The following NUP62CL variants were observed in gnomAD, a reference collection of about 807,000 sequenced individuals.
The protein encoded by NUP62CL is nucleoporin-62 C-terminal-like protein.
In NUP62CL, 13 loss-of-function variants were observed where a neutral mutation model predicts 15.3. The observed-to-expected ratio is 0.85, with a 90% confidence interval of 0.55 to 1.35. The LOEUF (loss-of-function observed/expected upper bound fraction) is 1.35. NUP62CL is among the 40% of genes most tolerant of loss of function. NUP62CL has a pLI of 0.00. For synonymous variants in NUP62CL, 54 were observed against 49.2 expected, an observed-to-expected ratio of 1.10 and a Z score of -0.41; for missense variants, 123 against 130.6, an observed-to-expected ratio of 0.94 and a Z score of 0.28.
intron 7 of NUP62CL, among the ~76,000 whole-genome samples, chrX:107,151,515 C>CCA (rs59950269): frequency 0.3 from 29,704 of 98,457 alleles, 3,951 homozygotes; most frequent in East Asian, 0.49. Context: ...TCCACCCAAA[C>CCA]CACACACACA....
chrX:107,195,775 G>A (rs1927348252), intron 1 of NUP62CL, among the ~76,000 whole-genome samples: 1 of 107,625 alleles, frequency 9.3e-6, no homozygotes, highest in Non-Finnish European at 1.9e-5. Context: ...AGCAATAAGA[G>A]CATTTGCTGT....
At chrX:107,203,447 T>A (rs1602671147) in intron 1 of NUP62CL, among the ~76,000 whole-genome samples, 1 of 109,562 alleles carries the variant, frequency 9.1e-6, no homozygotes, top group African/African-American at 3.4e-5. Flanking sequence ...GGGTTCACTG[T>A]GTTACCCAGG....
chrX:107,197,065 T>C (rs1326002174), intron 1 of NUP62CL, among the ~76,000 whole-genome samples: 2 of 112,079 alleles, frequency 1.8e-5, no homozygotes, highest in East Asian at 5.6e-4. Flanking sequence ...CTTACTTACA[T>C]TTATTGTGAC....
At chrX:107,203,355 C>T (rs753941309) in intron 1 of NUP62CL, among the ~76,000 whole-genome samples, 2 of 108,345 alleles carry the variant, frequency 1.8e-5, no homozygotes, top group East Asian at 5.9e-4. Context: ...GCGATCCTCT[C>T]ACCTCAGCCT....
At chrX:107,138,869 A>G (rs770427627) in intron 8 of NUP62CL, among the ~76,000 whole-genome samples, 3 of 112,326 alleles carry the variant, frequency 2.7e-5, no homozygotes, top group Non-Finnish European at 5.6e-5. Context: ...CAGCAGTTTT[A>G]TTCATAATGT....
intron 2 of NUP62CL, among the ~76,000 whole-genome samples, chrX:107,182,500 TTAATA>T (rs1373104456): frequency 4.5e-5 from 5 of 111,874 alleles, no homozygotes; most frequent in African/African-American, 1.6e-4. Context: ...GCCAACTATC[TTAATA>T]AATAGTAGGA....
intron 1 of NUP62CL, among the ~76,000 whole-genome samples, chrX:107,205,743 G>T (rs1240471674): frequency 9.0e-6 from 1 of 111,094 alleles, no homozygotes; most frequent in Non-Finnish European, 1.9e-5. Context: ...GGAAACTAGG[G>T]TAACAACTCT....
At chrX:107,192,464 C>T (rs772416791) in intron 2 of NUP62CL, among the ~76,000 whole-genome samples, 1 of 111,805 alleles carries the variant, frequency 8.9e-6, no homozygotes, top group African/African-American at 3.2e-5. Flanking sequence ...ACTGCAGCCT[C>T]GACCTCCCGG....
At chrX:107,178,532 A>G (rs1926838356) in intron 2 of NUP62CL, among the ~76,000 whole-genome samples, 1 of 112,374 alleles carries the variant, frequency 8.9e-6, no homozygotes, top group Admixed American at 9.4e-5. Flanking sequence ...TGCTGAATTG[A>G]ACCAACTTTT....
chrX:107,170,205 T>C (rs1291711453), intron 3 of NUP62CL, among the ~76,000 whole-genome samples: 2 of 109,848 alleles, frequency 1.8e-5, no homozygotes, highest in Non-Finnish European at 3.8e-5. Flanking sequence ...ATTCTAAGAA[T>C]GTGTACACAC....
intron 8 of NUP62CL, among the ~76,000 whole-genome samples, chrX:107,142,839 A>G (rs1442203957): frequency 8.9e-6 from 1 of 112,181 alleles, no homozygotes; most frequent in Non-Finnish European, 1.9e-5. Context: ...GTGTGACTGC[A>G]GCATTGCCAT....
intron 1 of NUP62CL, among the ~76,000 whole-genome samples, chrX:107,201,090 C>T (rs1482397366): frequency 9.0e-6 from 1 of 111,697 alleles, no homozygotes; most frequent in Non-Finnish European, 1.9e-5. Flanking sequence ...GGAATGTTCA[C>T]TTTTTTCATG....
At position 107,123,750 on chromosome X, in the gene NUP62CL, C is replaced by T. The variant is rs1284724031; in HGVS notation, c.*625G>A. ...AATAATCTACCCTAACTTTTCCTCC[C>T]TGCTCTGAATCTCTATAACACACTT... On this transcript the variant is annotated 3_prime_UTR_variant, in exon 9 of 9. Transcript: ENST00000372466. The T allele has an allele frequency of 8.9e-6, 1 of 111,829 alleles. No individual in the cohort carries two copies. Among genetic ancestry groups the T allele is most frequent in the Non-Finnish European group, 1.9e-5 (1 of 53,185 alleles). The allele number at this position is 111,829 out of a possible 1,213,427, so 9.2% of individuals were successfully genotyped here.
In NUP62CL at chrX:107,181,003, G is replaced by A. The variant is rs59334330; in HGVS notation, c.-47-5810C>T. On this transcript the variant is annotated intron_variant, in intron 2 of 8. Coordinates refer to ENST00000372466, the MANE Select transcript of NUP62CL (RefSeq NM_017681.3). ...ACGATCTCGGCTTACTGCAACCTCC[G>A]CCTCCTGGGTTCAAGTGATTCTCCT... is the stretch of plus-strand genomic sequence containing the variant. Among the ~76,000 whole-genome samples the A allele has an allele frequency of 3.3e-3, 317 of 96,758 alleles. 1 individual carries two copies. Among genetic ancestry groups the A allele is most frequent in the Middle Eastern group, 0.022 (4 of 182 alleles). The allele number at this position is 96,758 out of a possible 115,157, so 84.0% of individuals were successfully genotyped here.
chrX:107,144,400 C>A (rs1925842537), intron 8 of NUP62CL, among the ~76,000 whole-genome samples: 1 of 111,896 alleles, frequency 8.9e-6, no homozygotes, highest in Non-Finnish European at 1.9e-5. Flanking sequence ...TTAAAGAAGT[C>A]ATTCAACCTC....
chrX:107,174,955 T>C (rs1926749389), intron 3 of NUP62CL, 134 bp downstream of exon 3: 3 of 537,271 alleles, frequency 5.6e-6, no homozygotes, highest in Non-Finnish European at 9.6e-6. Context: ...AAAGCTACTA[T>C]TGATATCAGC....
At chrX:107,184,836 G>A (rs1442673214) in intron 2 of NUP62CL, among the ~76,000 whole-genome samples, 1 of 111,066 alleles carries the variant, frequency 9.0e-6, no homozygotes, top group Non-Finnish European at 1.9e-5. Flanking sequence ...AAACTTGAAA[G>A]CAGTAAGAGA....
rs1250191987 is a variant in NUP62CL at position 107,167,724 on chromosome X, C to T, written c.119G>A (p.Ser40Asn). 1 of 1,207,467 alleles carries T rather than the reference C, an allele frequency of 8.3e-7. No homozygotes were observed. The highest frequency in any genetic ancestry group is 1.1e-6 in the Non-Finnish European group (1 of 891,949). ...TTGGTTTTGGTTCACAGTAAAGCCA[C>T]TGGTGATTGTGGTAGTAGTGTTGGT... ...FTTNTTTTIT[S>N]GFTVNQNQLL... The change falls in exon 4 of 9, where the codon AGT (serine) becomes AAT (asparagine). Residue 40 changes from serine (S) to asparagine (N), a missense_variant. Coordinates refer to ENST00000372466, the MANE Select transcript of NUP62CL (RefSeq NM_017681.3).
At chrX:107,182,759 C>A (rs761239404) in intron 2 of NUP62CL, among the ~76,000 whole-genome samples, 101 of 111,063 alleles carry the variant, frequency 9.1e-4, no homozygotes, top group African/African-American at 3.1e-3. Flanking sequence ...TGGTTCAATT[C>A]ACTAATCTCT....
Sources: allele counts gnomAD v4.1 joint callset (sites outside exome capture counted in the v4.1 genomes callset), GRCh38; gene constraint gnomAD v4.1.1; transcripts MANE v1.5; gene names NCBI Gene and HGNC (gene_info 2026-07-23, HGNC 2026-07-21).